Variants in NWD1 observed in about 807,000 individuals in gnomAD.
NWD1 encodes NACHT and WD repeat domain containing 1.
Under a neutral mutation model 135.1 loss-of-function variants are expected in NWD1, and 129 were observed. That is an observed-to-expected ratio of 0.96 (90% CI 0.83 to 1.11). NWD1 has a LOEUF of 1.11. NWD1 is among the 50% of genes least tolerant of loss of function. NWD1 has a pLI of 0.00. For synonymous variants in NWD1, 773 were observed against 786.0 expected, an observed-to-expected ratio of 0.98 and a Z score of 0.28; for missense variants, 1,740 against 1,851.3, an observed-to-expected ratio of 0.94 and a Z score of 1.10.
intron 7 of NWD1, among the ~76,000 whole-genome samples, chr19:16,760,715 T>C (rs570468802): frequency 3.3e-5 from 5 of 152,206 alleles, no homozygotes; most frequent in East Asian, 3.9e-4. Flanking sequence ...CTTAGCTTCC[T>C]GAGTAGCTAG....
intron 1 of NWD1, among the ~76,000 whole-genome samples, chr19:16,720,943 C>T (rs535565692): frequency 4.5e-4 from 69 of 152,200 alleles, no homozygotes; most frequent in Middle Eastern, 3.4e-3. Flanking sequence ...CTCTGCTTCC[C>T]GGGTTCAAGC....
chr19:16,806,422 C>T (rs575332863), intron 17 of NWD1, among the ~76,000 whole-genome samples: 1 of 152,254 alleles, frequency 6.6e-6, no homozygotes, highest in East Asian at 1.9e-4. Flanking sequence ...AGTCTGGCCC[C>T]CTTGCTTCAA....
Position 16,797,778 on chromosome 19 carries a change from T to C in NWD1, c.3351T>C (p.Phe1117=). 4 of 1,614,150 alleles carry C rather than the reference T, an allele frequency of 2.5e-6. No individual in the cohort carries two copies. The highest frequency in any genetic ancestry group is 3.4e-6 in the Non-Finnish European group (4 of 1,180,000). The change falls in exon 16 of 19, where the codon TTT becomes TTC. Residue 1117 remains phenylalanine, a synonymous_variant. Coordinates refer to ENST00000524140, the MANE Select transcript of NWD1 (RefSeq NM_001007525.5). ...VRIFLADSRG[F]RRFMAMDLEH... is the part of the protein sequence containing the mutation. ...TATTCTTGGCGGACTCGAGGGGCTT[T>C]CGCCGATTCATGGCCATGGATCTGG...
Position 16,763,860 on chromosome 19 carries a change from G to A in NWD1, c.2166G>A (p.Thr722=), listed in dbSNP as rs117965437. 6.3e-5 allele frequency: 102 copies of A among 1,613,928 alleles called. No homozygotes were observed. In the East Asian group the frequency reaches 1.5e-3, roughly 24 times the overall value. ...CGCAGCCTCTGTGGTTCTCACATAC[G>A]GTTGCAAACCTGCGGAAGCTGAAGG... is the stretch of plus-strand genomic sequence containing the variant. ...VAPQPLWFSH[T]VANLRKLKEL... is the part of the protein sequence containing the mutation. Residue 722 remains threonine (T), a synonymous_variant, in exon 9 of 19, where the codon ACG becomes ACA. Transcript: ENST00000524140.
At chr19:16,811,738 G>T (rs1221266353) in intron 18 of NWD1, among the ~76,000 whole-genome samples, 1 of 152,176 alleles carries the variant, frequency 6.6e-6, no homozygotes, top group Non-Finnish European at 1.5e-5. Flanking sequence ...TATCTGTGCT[G>T]CTCATCTCTC....
intron 9 of NWD1, among the ~76,000 whole-genome samples, 195 bp downstream of exon 9, chr19:16,764,140 G>C (rs1299444575): frequency 6.6e-6 from 1 of 152,202 alleles, no homozygotes; most frequent in Non-Finnish European, 1.5e-5. Context: ...GTCACAGCTA[G>C]GGGAGAAGGC....
intron 17 of NWD1, among the ~76,000 whole-genome samples, chr19:16,806,281 C>T (rs1162392130): frequency 6.6e-6 from 1 of 152,160 alleles, no homozygotes; most frequent in Non-Finnish European, 1.5e-5. Flanking sequence ...CCCAGCAGTG[C>T]CCCCACCTTC....
intron 11 of NWD1, among the ~76,000 whole-genome samples, chr19:16,773,943 C>T (rs769170420): frequency 2.2e-5 from 1 of 45,928 alleles, no homozygotes; most frequent in South Asian, 6.7e-4. Context: ...TCCATCTATC[C>T]ATCCATCCAT....
At chr19:16,797,631 A>G in intron 15 of NWD1, 101 bp from the exon 16 acceptor site, 4 of 1,121,388 alleles carry the variant, frequency 3.6e-6, no homozygotes, top group Non-Finnish European at 5.2e-6. Context: ...TACAGGCATG[A>G]ACCACCACAT....
chr19:16,799,857 A>C, intron 16 of NWD1, 29 bp from the exon 17 acceptor site: 1 of 1,559,532 alleles, frequency 6.4e-7, no homozygotes, highest in Non-Finnish European at 8.7e-7. Flanking sequence ...AGAAGATGTC[A>C]GATCTGCCCT....
At chr19:16,764,339 T>A (rs1315207350) in intron 9 of NWD1, among the ~76,000 whole-genome samples, 2 of 151,646 alleles carry the variant, frequency 1.3e-5, no homozygotes, top group East Asian at 3.9e-4. Context: ...TATCCATCCA[T>A]CCATCCATCC....
Position 16,749,574 on chromosome 19 carries a change from C to A in NWD1, c.932C>A (p.Thr311Asn). ...HLWQSSEVIQ[T>N]FCGRQELLAR... ...TGGCAGAGCTCGGAGGTCATTCAGACCTTCTGCGGACGCCAGGAACTCCTG... is the reference window on the plus strand; with the variant it reads ...TGGCAGAGCTCGGAGGTCATTCAGAACTTCTGCGGACGCCAGGAACTCCTG... The change falls in exon 6 of 19, where the codon ACC (threonine) becomes AAC (asparagine). Residue 311 changes from threonine (T) to asparagine (N), a missense_variant. Physicochemically the swap from Thr to Asn is moderately conservative, Grantham distance 65 (BLOSUM62 0). Transcript: ENST00000524140. The A allele has an allele frequency of 6.2e-7, 1 of 1,613,322 alleles. No homozygotes were observed. Among genetic ancestry groups the A allele is most frequent in the Non-Finnish European group, 8.5e-7 (1 of 1,179,390 alleles).
intron 6 of NWD1, among the ~76,000 whole-genome samples, chr19:16,751,007 A>G (rs1036988367): frequency 6.6e-6 from 1 of 151,982 alleles, no homozygotes; most frequent in African/African-American, 2.4e-5. Context: ...GGATCACCCA[A>G]GGTTGGGAGT....
At chr19:16,783,690 TAAA>T (rs1040196456) in intron 12 of NWD1, among the ~76,000 whole-genome samples, 1 of 149,106 alleles carries the variant, frequency 6.7e-6, no homozygotes, top group Non-Finnish European at 1.5e-5. Flanking sequence ...AATAATAAAA[TAAA>T]AAATAAATAA....
intron 12 of NWD1, among the ~76,000 whole-genome samples, chr19:16,781,878 G>A (rs1009143343): frequency 1.3e-5 from 2 of 151,888 alleles, no homozygotes; most frequent in African/African-American, 4.8e-5. Context: ...GGATCACAAG[G>A]TCAGGAGATC....
At position 16,779,414 on chromosome 19, in the gene NWD1, G is replaced by C. The variant is rs759709330; in HGVS notation, c.2680G>C (p.Val894Leu). ...TGGCACCCAGGATGGCATCATGGCT[G>C]TGTGGGACATGGAAGAGCAGCATGT... The part of the protein sequence containing the change: ...VIGTQDGIMA[V>L]WDMEEQHVIH... Residue 894 changes from valine (V) to leucine (L), a missense_variant, in exon 12 of 19, where the codon GTG (valine) becomes CTG (leucine). Physicochemically the swap from Val to Leu is conservative, Grantham distance 32. Coordinates refer to ENST00000524140, the MANE Select transcript of NWD1 (RefSeq NM_001007525.5). 3.1e-6 allele frequency: 5 copies of C among 1,613,764 alleles called. No individual in the cohort carries two copies. Among genetic ancestry groups the C allele is most frequent in the Non-Finnish European group, 3.4e-6 (4 of 1,179,892 alleles).
At chr19:16,787,846 C>A (rs1970088838) in intron 12 of NWD1, among the ~76,000 whole-genome samples, 1 of 146,506 alleles carries the variant, frequency 6.8e-6, no homozygotes, top group African/African-American at 2.5e-5. Flanking sequence ...GGTGACAGAG[C>A]AAGACTCCAT....
chr19:16,750,626 A>C (rs893758407), intron 6 of NWD1, among the ~76,000 whole-genome samples: 3 of 123,014 alleles, frequency 2.4e-5, no homozygotes, highest in Admixed American at 8.1e-5. Context: ...GCAAAATATA[A>C]TTTTTTTATT....
chr19:16,739,619 C>A (rs1049214681), intron 4 of NWD1, among the ~76,000 whole-genome samples: 1 of 152,212 alleles, frequency 6.6e-6, no homozygotes, highest in African/African-American at 2.4e-5. Context: ...CCAAGAGCCA[C>A]AGCATCATTC....
Sources: allele counts gnomAD v4.1 joint callset (sites outside exome capture counted in the v4.1 genomes callset), GRCh38; gene constraint gnomAD v4.1.1; transcripts MANE v1.5; gene names NCBI Gene and HGNC (gene_info 2026-07-23, HGNC 2026-07-21).